The following ZZZ3 variants were observed in gnomAD, a reference collection of about 807,000 sequenced individuals.
ZZZ3 encodes the protein zinc finger ZZ-type containing 3.
A neutral mutation model predicts 95.2 loss-of-function variants in ZZZ3; 22 were observed. The ratio of observed to expected loss-of-function variants is 0.23; its 90% CI spans 0.17 to 0.33. The LOEUF (loss-of-function observed/expected upper bound fraction) is 0.33. Among genes scored for constraint, ZZZ3 ranks in the 10% least tolerant of loss-of-function variants. ZZZ3 has a pLI of 1.00. For missense variants in ZZZ3, 885 were observed against 1,066.5 expected (o/e 0.83, Z 2.37); for synonymous variants, 335 against 358.9 (o/e 0.93, Z 0.75).
chr1:77,670,274 G>A (rs1164161635), intron 1 of ZZZ3, among the ~76,000 whole-genome samples: 3 of 148,628 alleles, frequency 2.0e-5, no homozygotes, highest in African/African-American at 7.5e-5. Context: ...TTTTTTTTTG[G>A]GGGGGGGCAG....
intron 5 of ZZZ3, among the ~76,000 whole-genome samples, chr1:77,606,314 G>A (rs1282995862): frequency 6.6e-6 from 1 of 152,202 alleles, no homozygotes; most frequent in Admixed American, 6.5e-5. Context: ...TGCTAGCTCG[G>A]CTGCAGGAGA....
intron 5 of ZZZ3, among the ~76,000 whole-genome samples, chr1:77,605,678 A>G (rs933918092): frequency 6.6e-6 from 1 of 151,980 alleles, no homozygotes. Context: ...AGACAAGGTC[A>G]TGAGGCCCCC....
intron 1 of ZZZ3, among the ~76,000 whole-genome samples, chr1:77,657,914 C>A (rs1019536320): frequency 7.5e-5 from 10 of 133,462 alleles, no homozygotes; most frequent in Non-Finnish European, 1.3e-4. Context: ...TGCGGTGGCT[C>A]ATGCCTGTAA....
At chr1:77,639,720 T>C (rs1341786905) in intron 3 of ZZZ3, 118 bp from the exon 4 acceptor site, 1 of 324,520 alleles carries the variant, frequency 3.1e-6, no homozygotes, top group Non-Finnish European at 5.5e-6. Context: ...TAGTGACATC[T>C]TTCATGCTTC....
intron 5 of ZZZ3, among the ~76,000 whole-genome samples, chr1:77,595,840 TTAAC>T (rs773082296): frequency 1.6e-4 from 25 of 152,076 alleles, no homozygotes; most frequent in South Asian, 4.2e-4. Flanking sequence ...ACCGAAGTTG[TTAAC>T]TAACTGAAAA....
chr1:77,586,037 T>C (rs1473762219), intron 5 of ZZZ3, among the ~76,000 whole-genome samples: 1 of 152,232 alleles, frequency 6.6e-6, no homozygotes, highest in Admixed American at 6.5e-5. Context: ...GGTAGAGCTA[T>C]ACTAAGTCAC....
At chr1:77,672,781 G>C (rs2101063185) in intron 1 of ZZZ3, among the ~76,000 whole-genome samples, 1 of 152,238 alleles carries the variant, frequency 6.6e-6, no homozygotes, top group African/African-American at 2.4e-5. Context: ...TAGTTCACTA[G>C]GTAGAACAGC....
At position 77,632,743 on chromosome 1, in the gene ZZZ3, A is replaced by G; in HGVS notation, c.612T>C (p.Gly204=). The change falls in exon 5 of 15, where the codon GGT becomes GGC. Residue 204 remains glycine (G), a synonymous_variant. Transcript: ENST00000370801. ...TAACAGCTGAATCACTGTCATCAACACCATTGACAGCCAAATAGCCTGTGA... is the reference window on the plus strand; with the variant it reads ...TAACAGCTGAATCACTGTCATCAACGCCATTGACAGCCAAATAGCCTGTGA... ...EEITGYLAVN[G]VDDSDSAVIN... is the part of the protein sequence containing the mutation. 1 of 1,614,200 alleles carries G rather than the reference A, an allele frequency of 6.2e-7. No individual in the cohort carries two copies. The highest frequency in any genetic ancestry group is 8.5e-7 in the Non-Finnish European group (1 of 1,180,028).
intron 4 of ZZZ3, among the ~76,000 whole-genome samples, chr1:77,639,166 C>T (rs74090677): frequency 0.012 from 1,825 of 151,664 alleles, 32 homozygotes; most frequent in African/African-American, 0.042. Context: ...CTTTAAAAGA[C>T]GATCAGGAAA....
intron 5 of ZZZ3, among the ~76,000 whole-genome samples, chr1:77,591,363 A>T (rs1663676844): frequency 6.6e-6 from 1 of 151,574 alleles, no homozygotes; most frequent in Admixed American, 6.6e-5. Flanking sequence ...CTTTTCTTTC[A>T]TTATAGATGG....
At chr1:77,581,512 C>T (rs182021641) in intron 8 of ZZZ3, among the ~76,000 whole-genome samples, 251 of 152,234 alleles carry the variant, frequency 1.6e-3, no homozygotes, top group Non-Finnish European at 2.8e-3. Flanking sequence ...TTAACCCTCA[C>T]CAACAACCCT....
intron 1 of ZZZ3, among the ~76,000 whole-genome samples, chr1:77,675,557 C>T (rs1266792393): frequency 6.6e-6 from 1 of 151,878 alleles, no homozygotes; most frequent in Admixed American, 6.6e-5. Context: ...TCGAATTGTT[C>T]ATCTTCAGTT....
At chr1:77,651,679 A>G (rs1444321328) in intron 1 of ZZZ3, among the ~76,000 whole-genome samples, 1 of 152,206 alleles carries the variant, frequency 6.6e-6, no homozygotes, top group Non-Finnish European at 1.5e-5. Flanking sequence ...GGTTACACAC[A>G]ATGTGAGACT....
At chr1:77,670,773 C>T (rs1372080436) in intron 1 of ZZZ3, among the ~76,000 whole-genome samples, 1 of 150,558 alleles carries the variant, frequency 6.6e-6, no homozygotes, top group African/African-American at 2.4e-5. Flanking sequence ...AAAAAAAACA[C>T]CCTGACAAAC....
rs1438338606 is a variant in ZZZ3, at chr1:77,576,058, T to C, written c.2331+10A>G. Reference sequence around the variant, plus strand: ...TTGATGTATATAACAACTTGATGTGTATAACTTACTGATGCATCTTCAACA... The same window carrying C: ...TTGATGTATATAACAACTTGATGTGCATAACTTACTGATGCATCTTCAACA... On this transcript the variant is annotated intron_variant, in intron 12 of 14. Coordinates refer to ENST00000370801, the MANE Select transcript of ZZZ3 (RefSeq NM_015534.6). The C allele has an allele frequency of 1.9e-6, 3 of 1,599,226 alleles. No individual in the cohort carries two copies. Among genetic ancestry groups the C allele is most frequent in the Non-Finnish European group, 2.6e-6 (3 of 1,175,058 alleles).
At chr1:77,636,534 GA>G (rs2100873035) in intron 4 of ZZZ3, among the ~76,000 whole-genome samples, 1 of 151,774 alleles carries the variant, frequency 6.6e-6, no homozygotes, top group African/African-American at 2.4e-5. Context: ...GCAACATGGC[GA>G]AACCCTGTCT....
rs535959196 is a variant in ZZZ3, at chr1:77,641,665, G to C, written c.-402-10C>G. 22 of 397,670 alleles carry C rather than the reference G, an allele frequency of 5.5e-5. No homozygotes were observed. The highest frequency in any genetic ancestry group is 1.3e-4 in the South Asian group (1 of 7,818). The allele number at this position is 397,670 out of a possible 1,614,324, so 24.6% of individuals were successfully genotyped here. A position where few individuals can be genotyped will look rare whatever the true frequency, so the allele number is the denominator to read the frequency against. The stretch of plus-strand genomic sequence containing the variant: ...TAGAATAACTTGATATCTGTGAAGA[G>C]AAACCATAATATAGTCACTATAGAT... On this transcript the variant is annotated splice_polypyrimidine_tract_variant and intron_variant, in intron 1 of 14. Transcript: ENST00000370801.
chr1:77,638,436 A>T (rs1179730631), intron 4 of ZZZ3, among the ~76,000 whole-genome samples: 2 of 152,230 alleles, frequency 1.3e-5, no homozygotes, highest in African/African-American at 4.8e-5. Context: ...TGTACGCATA[A>T]GAACTAAAAC....
At chr1:77,608,098 CA>C (rs1401018362) in intron 5 of ZZZ3, among the ~76,000 whole-genome samples, 1 of 151,950 alleles carries the variant, frequency 6.6e-6, no homozygotes, top group Non-Finnish European at 1.5e-5. Context: ...AAAGTTTATT[CA>C]AAGGGATAAG....
Sources: gnomAD v4.1 joint callset for allele counts (sites outside exome capture counted in the v4.1 genomes callset) on GRCh38, gnomAD v4.1.1 for gene constraint, MANE v1.5 for transcripts, NCBI Gene and HGNC (gene_info 2026-07-23, HGNC 2026-07-21) for gene names.